Variants in RPH3AL observed in about 807,000 individuals in gnomAD.
RPH3AL encodes rab effector Noc2.
Under a neutral mutation model 43.1 loss-of-function variants are expected in RPH3AL, and 38 were observed. The observed-to-expected ratio is 0.88, with a 90% CI of 0.68 to 1.15. RPH3AL has a LOEUF of 1.15. RPH3AL is among the 50% of genes most tolerant of loss of function. The probability of loss-of-function intolerance (pLI) is 0.00; values close to 1 mark genes in which losing one functional copy is unlikely to be tolerated. For missense variants in RPH3AL, 462 were observed against 423.2 expected, an observed-to-expected ratio of 1.09 and a Z score of -0.81; for synonymous variants, 189 against 176.3, an observed-to-expected ratio of 1.07 and a Z score of -0.57.
intron 7 of RPH3AL, among the ~76,000 whole-genome samples, chr17:239,306 T>C (rs1190844700): frequency 6.6e-6 from 1 of 152,204 alleles, no homozygotes; most frequent in Non-Finnish European, 1.5e-5. Context: ...ATTTTTAACA[T>C]TTCGATCTTA....
At position 274,191 on chromosome 17, in the gene RPH3AL, C is replaced by T. The variant is rs574679136; in HGVS notation, c.438+7577G>A. Among the ~76,000 whole-genome samples the T allele has an allele frequency of 4.6e-5, 7 of 152,372 alleles. No homozygotes were observed. The highest frequency in any genetic ancestry group is 1.9e-4 in the East Asian group (1 of 5,194). ...GGCCGTTCCTCCCAGCCCCAACTAA[C>T]GCACCCATGAAAGCACGTGGAAAAG... On this transcript the variant is annotated intron_variant, in intron 6 of 9. Coordinates refer to ENST00000331302, the MANE Select transcript of RPH3AL (RefSeq NM_006987.4). The surrounding 1 kb of genome is among the most constrained non-coding windows in gnomAD (Gnocchi z 4.7).
Position 246,338 on chromosome 17 carries a change from G to A in RPH3AL, c.613+773C>T, listed in dbSNP as rs537258940. Among the ~76,000 whole-genome samples the A allele has an allele frequency of 5.9e-5, 9 of 152,040 alleles. No individual in the cohort carries two copies. Among genetic ancestry groups the A allele is most frequent in the Admixed American group, 2.6e-4 (4 of 15,256 alleles). On this transcript the variant is annotated intron_variant, in intron 7 of 9. Transcript: ENST00000331302. This position sits in a 1 kb window ranked among gnomAD's most constrained non-coding sequence, Gnocchi z 4.8. ...CAGACCCTGAGTATTTGGCAGAAACGTGAGCACTTCAGAGCAAAAGGACCC... is the reference window on the plus strand; with the variant it reads ...CAGACCCTGAGTATTTGGCAGAAACATGAGCACTTCAGAGCAAAAGGACCC...
intron 7 of RPH3AL, among the ~76,000 whole-genome samples, chr17:223,919 A>G (rs1053487760): frequency 1.5e-4 from 23 of 151,554 alleles, no homozygotes; most frequent in Admixed American, 1.1e-3. Context: ...AGCGGCCAGC[A>G]CACAGTAGGT....
At chr17:267,536 C>G (rs2042351444) in intron 6 of RPH3AL, among the ~76,000 whole-genome samples, 1 of 152,230 alleles carries the variant, frequency 6.6e-6, no homozygotes, top group Non-Finnish European at 1.5e-5. Context: ...ATATGTTCTC[C>G]CAAGCCAAAG....
At chr17:234,993 G>A (rs942961076) in intron 7 of RPH3AL, among the ~76,000 whole-genome samples, 29 of 152,206 alleles carry the variant, frequency 1.9e-4, no homozygotes, top group African/African-American at 3.4e-4. Context: ...AGCATGCCAC[G>A]TGAAGAAGTC....
intron 5 of RPH3AL, among the ~76,000 whole-genome samples, chr17:302,335 G>C (rs1003416175): frequency 3.3e-5 from 5 of 152,190 alleles, no homozygotes; most frequent in Admixed American, 3.3e-4. Flanking sequence ...CCCGACTCTC[G>C]CAGGTGTAGC....
chr17:270,550 G>A (rs547822328), intron 6 of RPH3AL, among the ~76,000 whole-genome samples: 29 of 152,260 alleles, frequency 1.9e-4, no homozygotes, highest in African/African-American at 7.0e-4. Context: ...GAGTTGGAGA[G>A]GATTTAAAAA....
At chr17:238,519 C>CT (rs1201653008) in intron 7 of RPH3AL, among the ~76,000 whole-genome samples, 1 of 152,196 alleles carries the variant, frequency 6.6e-6, no homozygotes, top group Non-Finnish European at 1.5e-5. Context: ...CCAGCCGCGC[C>CT]TTTATCGTTC....
In RPH3AL at chr17:289,267, C is replaced by A. The variant is rs532805335; in HGVS notation, c.352-7413G>T. Among the ~76,000 whole-genome samples, 98 of 152,250 alleles carry A rather than the reference C, an allele frequency of 6.4e-4. No homozygotes were observed. The highest frequency in any genetic ancestry group is 2.2e-3 in the African/African-American group (92 of 41,550). On this transcript the variant is annotated intron_variant, in intron 5 of 9. Coordinates refer to ENST00000331302, the MANE Select transcript of RPH3AL (RefSeq NM_006987.4). This position sits in a 1 kb window ranked among gnomAD's most constrained non-coding sequence, Gnocchi z 5.2. ...AGGTTAGGTAGGCGGCAACCTCAGA[C>A]CTTTATAGCCATGCCTGTCTCAGTG...
At chr17:256,004 T>C (rs1353575554) in intron 6 of RPH3AL, among the ~76,000 whole-genome samples, 1 of 64,162 alleles carries the variant, frequency 1.6e-5, no homozygotes, top group Non-Finnish European at 3.3e-5. Flanking sequence ...TGTCTGTCCT[T>C]TTCCATCCCT....
intron 5 of RPH3AL, among the ~76,000 whole-genome samples, 191 bp from the exon 6 acceptor site, chr17:282,045 T>A (rs2042794092): frequency 6.6e-6 from 1 of 152,180 alleles, no homozygotes; most frequent in Non-Finnish European, 1.5e-5. Flanking sequence ...ACGTAATGGA[T>A]GGCCCCATCC....
At chr17:254,536 T>C (rs1487293766) in intron 6 of RPH3AL, among the ~76,000 whole-genome samples, 1 of 9,082 alleles carries the variant, frequency 1.1e-4, no homozygotes, top group Non-Finnish European at 1.8e-4. Flanking sequence ...TCCTTTTCCA[T>C]CCCTAGGAAT....
At chr17:311,056 G>C (rs775993584) in intron 5 of RPH3AL, among the ~76,000 whole-genome samples, 1 of 151,492 alleles carries the variant, frequency 6.6e-6, no homozygotes, top group Non-Finnish European at 1.5e-5. Flanking sequence ...AATGCAGCTC[G>C]TCCCCTGAAA....
chr17:309,139 T>A (rs1385780534), intron 5 of RPH3AL, among the ~76,000 whole-genome samples: 1 of 151,862 alleles, frequency 6.6e-6, no homozygotes, highest in Non-Finnish European at 1.5e-5. Flanking sequence ...CTACAAAAAA[T>A]AAAAAATTTT....
At chr17:241,720 TC>T (rs1275628167) in intron 7 of RPH3AL, among the ~76,000 whole-genome samples, 28 of 100,852 alleles carry the variant, frequency 2.8e-4, no homozygotes, top group South Asian at 1.7e-3. Context: ...TCTTTTTTTT[TC>T]TTTTTTTTTT....
Position 267,127 on chromosome 17 carries a change from G to A in RPH3AL, c.438+14641C>T, listed in dbSNP as rs540907687. Among the ~76,000 whole-genome samples, 397 of 152,350 alleles carry A rather than the reference G, an allele frequency of 2.6e-3. 2 individuals carry two copies. The highest frequency in any genetic ancestry group is 9.0e-3 in the African/African-American group (374 of 41,588). On this transcript the variant is annotated intron_variant, in intron 6 of 9. Coordinates refer to ENST00000331302, the MANE Select transcript of RPH3AL (RefSeq NM_006987.4). ...GCCCCTGTCTTCCCTCTGGTCCTGC[G>A]CGCCATCCTCTCCCTTTGTCCAGAT...
chr17:286,841 T>TTC (rs2042924920), intron 5 of RPH3AL, among the ~76,000 whole-genome samples: 3 of 152,000 alleles, frequency 2.0e-5, no homozygotes, highest in South Asian at 2.1e-4. Context: ...CGTCCGGGTG[T>TTC]TAAACGATGA....
At chr17:220,003 C>A (rs1478566193) in intron 7 of RPH3AL, among the ~76,000 whole-genome samples, 1 of 152,174 alleles carries the variant, frequency 6.6e-6, no homozygotes, top group African/African-American at 2.4e-5. Flanking sequence ...TGGCCAGCCA[C>A]CTCCACATGA....
At chr17:222,120 C>G (rs1409950238) in intron 7 of RPH3AL, among the ~76,000 whole-genome samples, 9 of 151,330 alleles carry the variant, frequency 5.9e-5, no homozygotes, top group African/African-American at 2.2e-4. Flanking sequence ...CAAGGCAATG[C>G]TCTGCAGGGA....
Sources: allele counts gnomAD v4.1 joint callset (sites outside exome capture counted in the v4.1 genomes callset), GRCh38; gene constraint gnomAD v4.1.1; non-coding constraint Gnocchi (gnomAD v3.1); transcripts MANE v1.5; gene names NCBI Gene and HGNC (gene_info 2026-07-23, HGNC 2026-07-21).